Variants in FNDC3B observed in about 807,000 individuals in gnomAD.
The protein encoded by FNDC3B is fibronectin type III domain-containing protein 3B.
Under a neutral mutation model 151.5 loss-of-function variants are expected in FNDC3B, and 12 were observed. The observed-to-expected ratio is 0.08, with a 90% CI of 0.05 to 0.13. FNDC3B has a LOEUF of 0.13. Ranked by LOEUF, FNDC3B falls within the 10% of genes least tolerant of loss-of-function variation. The pLI, the probability that FNDC3B is intolerant of heterozygous loss-of-function variation, is 1.00. For synonymous variants in FNDC3B, 528 were observed against 549.0 expected (o/e 0.96, Z 0.54); for missense variants, 1,214 against 1,505.3 (o/e 0.81, Z 3.20).
At chr3:172,284,650 A>C (rs559410545) in intron 6 of FNDC3B, among the ~76,000 whole-genome samples, 1 of 150,824 alleles carries the variant, frequency 6.6e-6, no homozygotes, top group African/African-American at 2.4e-5. Flanking sequence ...CCTTAGGTCC[A>C]CATCCCCCTT....
intron 11 of FNDC3B, among the ~76,000 whole-genome samples, chr3:172,322,988 C>T (rs1303769799): frequency 1.3e-5 from 2 of 152,066 alleles, no homozygotes; most frequent in East Asian, 3.8e-4. Flanking sequence ...GTATTCTGTT[C>T]CCTCAGGTGA....
chr3:172,172,991 A>G (rs1320150718), intron 3 of FNDC3B, among the ~76,000 whole-genome samples: 3 of 152,218 alleles, frequency 2.0e-5, no homozygotes, highest in Non-Finnish European at 2.9e-5. Context: ...TAGTGCCTGT[A>G]TAATGTTGGC....
intron 1 of FNDC3B, among the ~76,000 whole-genome samples, chr3:172,074,020 A>T (rs1717897621): frequency 1.3e-5 from 2 of 152,204 alleles, no homozygotes; most frequent in African/African-American, 4.8e-5. Context: ...CAAGAAAGGG[A>T]TGCAACACAG....
At chr3:172,132,291 C>T (rs959886746) in intron 2 of FNDC3B, among the ~76,000 whole-genome samples, 26 of 152,232 alleles carry the variant, frequency 1.7e-4, no homozygotes, top group Admixed American at 1.4e-3. Flanking sequence ...GGGCTTGTTC[C>T]GATAACTGTA....
intron 1 of FNDC3B, among the ~76,000 whole-genome samples, chr3:172,044,188 G>A (rs1716241504): frequency 6.6e-6 from 1 of 151,848 alleles, no homozygotes; most frequent in Admixed American, 6.6e-5. Flanking sequence ...CTGATTAGTG[G>A]ATTTAATTTA....
At chr3:172,296,355 G>C (rs1427801637) in intron 8 of FNDC3B, among the ~76,000 whole-genome samples, 3 of 152,226 alleles carry the variant, frequency 2.0e-5, no homozygotes, top group Middle Eastern at 3.4e-3. Context: ...CCCCTTTCCT[G>C]TTCCTAATTC....
intron 3 of FNDC3B, among the ~76,000 whole-genome samples, chr3:172,189,720 G>C (rs1364719770): frequency 6.9e-6 from 1 of 143,894 alleles, no homozygotes; most frequent in African/African-American, 2.6e-5. Context: ...AGGATTGCCT[G>C]AGCCTGGGAG....
intron 24 of FNDC3B, among the ~76,000 whole-genome samples, chr3:172,380,130 A>T (rs67065953): frequency 0.14 from 21,869 of 151,618 alleles, 1,799 homozygotes; most frequent in South Asian, 0.21. Context: ...CAGAATTGCA[A>T]GCAGAAACAA....
At chr3:172,052,995 G>A (rs1716742317) in intron 1 of FNDC3B, among the ~76,000 whole-genome samples, 2 of 152,202 alleles carry the variant, frequency 1.3e-5, no homozygotes. Flanking sequence ...CCACAAGGCA[G>A]ATGTAAAATA....
intron 9 of FNDC3B, among the ~76,000 whole-genome samples, chr3:172,299,049 C>G (rs1376778153): frequency 2.6e-5 from 4 of 152,160 alleles, no homozygotes; most frequent in Non-Finnish European, 4.4e-5. Flanking sequence ...CTTCTAAGAT[C>G]TATTGGACTA....
intron 3 of FNDC3B, among the ~76,000 whole-genome samples, chr3:172,214,609 G>A (rs1185438783): frequency 6.6e-6 from 1 of 151,884 alleles, no homozygotes; most frequent in African/African-American, 2.4e-5. Flanking sequence ...CAAGAAAGTG[G>A]CATCAGGTAG....
chr3:172,108,850 C>G (rs1410120759), intron 1 of FNDC3B, among the ~76,000 whole-genome samples: 29 of 152,196 alleles, frequency 1.9e-4, no homozygotes, highest in Non-Finnish European at 2.9e-5. Context: ...TTTCTCTAGT[C>G]TGTTTTCTAT....
intron 3 of FNDC3B, among the ~76,000 whole-genome samples, chr3:172,193,856 G>A (rs1162490019): frequency 1.3e-5 from 2 of 152,120 alleles, no homozygotes; most frequent in Non-Finnish European, 2.9e-5. Flanking sequence ...CACACTGAAG[G>A]GTGAATGGAA....
intron 23 of FNDC3B, among the ~76,000 whole-genome samples, chr3:172,374,689 G>A (rs1477223650): frequency 6.6e-5 from 10 of 152,098 alleles, no homozygotes; most frequent in South Asian, 4.1e-4. Flanking sequence ...CACTGTGCCC[G>A]GCCAGCAGTT....
chr3:172,390,030 A>G (rs539975263), intron 25 of FNDC3B, among the ~76,000 whole-genome samples: 1 of 152,290 alleles, frequency 6.6e-6, no homozygotes, highest in East Asian at 1.9e-4. Context: ...GTTTCTCTTT[A>G]TAAACACTGT....
rs1468286753 is a variant in FNDC3B, at chr3:172,307,466, C to T, written c.1165C>T (p.His389Tyr). The T allele has an allele frequency of 1.9e-6, 3 of 1,614,094 alleles. No individual in the cohort carries two copies. The highest frequency in any genetic ancestry group is 2.7e-5 in the African/African-American group (2 of 75,012). ...GTGTCCTTTCCCCCCTAAGCTGGCA[C>T]ATAGGAGCAAAAGTTCACTAACCCT... is the stretch of plus-strand genomic sequence containing the variant. ...PECPFPPKLA[H>Y]RSKSSLTLQW... The change falls in exon 10 of 26, where the codon CAT becomes TAT. Residue 389 changes from histidine to tyrosine, a missense_variant. Coordinates refer to ENST00000415807, the MANE Select transcript of FNDC3B (RefSeq NM_022763.4).
At chr3:172,055,061 A>G (rs1318153960) in intron 1 of FNDC3B, among the ~76,000 whole-genome samples, 2 of 152,098 alleles carry the variant, frequency 1.3e-5, no homozygotes, top group Non-Finnish European at 2.9e-5. Context: ...CACTTTCACC[A>G]CCATCACCAA....
chr3:172,231,164 A>G (rs530911274), intron 4 of FNDC3B, among the ~76,000 whole-genome samples: 1 of 152,354 alleles, frequency 6.6e-6, no homozygotes, highest in South Asian at 2.1e-4. Context: ...AACTATGGAT[A>G]AACCTTGAAA....
chr3:172,395,990 C>A (rs562973586), intron 25 of FNDC3B, among the ~76,000 whole-genome samples: 1 of 152,296 alleles, frequency 6.6e-6, no homozygotes, highest in South Asian at 2.1e-4. Context: ...AAAACTGTTT[C>A]TTGTGAAGTT....
Sources: gnomAD v4.1 joint callset for allele counts (sites outside exome capture counted in the v4.1 genomes callset) on GRCh38, gnomAD v4.1.1 for gene constraint, MANE v1.5 for transcripts, NCBI Gene and HGNC (gene_info 2026-07-23, HGNC 2026-07-21) for gene names.